The following KIF21A variants were observed in gnomAD, a reference collection of about 807,000 sequenced individuals.
KIF21A encodes the protein kinesin family member 21A.
In KIF21A, 114 loss-of-function variants were observed where a neutral mutation model predicts 202.9. The observed-to-expected ratio is 0.56, with a 90% CI of 0.48 to 0.66. KIF21A has a LOEUF of 0.66. Ranked by LOEUF, KIF21A falls within the 30% of genes least tolerant of loss-of-function variation. The pLI is 0.00. For synonymous variants in KIF21A, 667 were observed against 670.8 expected, an observed-to-expected ratio of 0.99 and a Z score of 0.09; for missense variants, 1,677 against 1,994.9, an observed-to-expected ratio of 0.84 and a Z score of 3.04.
chr12:39,356,020 G>C lies in KIF21A; in HGVS notation c.1469+812C>G, dbSNP rs74088362. Among the ~76,000 whole-genome samples, 551 of 152,202 alleles carry C rather than the reference G, an allele frequency of 3.6e-3. 3 individuals carry two copies. Among genetic ancestry groups the C allele is most frequent in the African/African-American group, 0.013 (521 of 41,516 alleles). ...CCCGTTTGCTTATGTTCTGCAAATG[G>C]TAAGCAGAAGTGAGATTTGAACTAC... is the stretch of plus-strand genomic sequence containing the variant. On this transcript the variant is annotated intron_variant, in intron 10 of 37. Transcript: ENST00000361418.
At chr12:39,399,486 G>A (rs1334092864) in intron 1 of KIF21A, among the ~76,000 whole-genome samples, 1 of 152,094 alleles carries the variant, frequency 6.6e-6, no homozygotes, top group Non-Finnish European at 1.5e-5. Flanking sequence ...CATTGATGAG[G>A]CACTAAATAT....
intron 26 of KIF21A, among the ~76,000 whole-genome samples, chr12:39,323,297 G>A (rs1945487141): frequency 1.3e-5 from 2 of 151,736 alleles, no homozygotes; most frequent in Non-Finnish European, 2.9e-5. Flanking sequence ...TGCCACTTGC[G>A]GCCAGCTCCC....
chr12:39,324,267 G>T (rs974868924), intron 26 of KIF21A, among the ~76,000 whole-genome samples: 1 of 152,174 alleles, frequency 6.6e-6, no homozygotes, highest in Non-Finnish European at 1.5e-5. Flanking sequence ...GAGCAGAGAT[G>T]AAATTTTTCT....
intron 23 of KIF21A, 81 bp downstream of exon 23, chr12:39,330,665 G>C: frequency 8.3e-7 from 1 of 1,203,596 alleles, no homozygotes; most frequent in Non-Finnish European, 1.2e-6. Flanking sequence ...TCAAGCCATA[G>C]GGGAAAGGGA....
chr12:39,389,425 G>T (rs940295771), intron 1 of KIF21A, among the ~76,000 whole-genome samples: 3 of 152,114 alleles, frequency 2.0e-5, no homozygotes, highest in Non-Finnish European at 4.4e-5. Context: ...ACAACATGTG[G>T]TATAAACTGA....
intron 7 of KIF21A, among the ~76,000 whole-genome samples, chr12:39,359,618 A>C (rs1048686386): frequency 5.4e-4 from 82 of 152,298 alleles, no homozygotes; most frequent in African/African-American, 1.8e-3. Flanking sequence ...AAAATAAGGT[A>C]ATTCAGTAAG....
chr12:39,370,037 A>G lies in KIF21A; in HGVS notation c.267+2T>C. On this transcript the variant is annotated splice_donor_variant, in intron 2 of 37. Transcript: ENST00000361418. LOFTEE classifies it high-confidence loss of function. ...CTCCTATGAAAATAATATGGCACTT[A>G]CTTGTCCATAAGCAAAAACTGTAGC... The G allele has an allele frequency of 6.2e-7, 1 of 1,609,192 alleles. No individual in the cohort carries two copies. The highest frequency in any genetic ancestry group is 8.5e-7 in the Non-Finnish European group (1 of 1,175,646).
At chr12:39,319,085 T>C (rs762042723) in intron 28 of KIF21A, among the ~76,000 whole-genome samples, 13 of 152,240 alleles carry the variant, frequency 8.5e-5, no homozygotes, top group Admixed American at 5.2e-4. Flanking sequence ...GGTATAGAAT[T>C]GTCCATTTAG....
Position 39,332,303 on chromosome 12 carries a change from C to T in KIF21A, c.2962G>A (p.Glu988Lys). The T allele has an allele frequency of 1.2e-6, 2 of 1,613,362 alleles. No individual in the cohort carries two copies. Among genetic ancestry groups the T allele is most frequent in the Non-Finnish European group, 1.7e-6 (2 of 1,179,438 alleles). ...ATATTAGCAGTCAGTGACTCCATCT[C>T]TTCATTGATATTAGCCACATTTTTA... ...GDKNVANINE[E>K]MESLTANIDY... Residue 988 changes from glutamate (E) to lysine (K), a missense_variant, in exon 21 of 38, where the codon GAG becomes AAG. By Grantham distance (56) the Glu-to-Lys change is moderately conservative. Coordinates refer to ENST00000361418, the MANE Select transcript of KIF21A (RefSeq NM_001173464.2).
intron 1 of KIF21A, among the ~76,000 whole-genome samples, chr12:39,429,962 T>C (rs1318996035): frequency 6.6e-6 from 1 of 152,118 alleles, no homozygotes; most frequent in Non-Finnish European, 1.5e-5. Context: ...AGATAGGGAT[T>C]AAGGGATTAA....
chr12:39,388,100 C>A (rs545545233), intron 1 of KIF21A, among the ~76,000 whole-genome samples: 1 of 152,210 alleles, frequency 6.6e-6, no homozygotes, highest in Non-Finnish European at 1.5e-5. Flanking sequence ...GAAGTTTGAT[C>A]CCCAGTGTTG....
intron 16 of KIF21A, among the ~76,000 whole-genome samples, chr12:39,338,952 A>G (rs1947211624): frequency 6.6e-6 from 1 of 152,182 alleles, no homozygotes; most frequent in East Asian, 1.9e-4. Flanking sequence ...GTAATAAAGC[A>G]AATCACAGTA....
At chr12:39,294,606 T>G in intron 37 of KIF21A, 89 bp from the exon 38 acceptor site, 1 of 990,334 alleles carries the variant, frequency 1.0e-6, no homozygotes, top group Non-Finnish European at 1.6e-6. Flanking sequence ...TGGAAATATT[T>G]TCTACATAGG....
At position 39,341,629 on chromosome 12, in the gene KIF21A, T is replaced by C. The variant is rs1241497526; in HGVS notation, c.1804-7A>G. 4 of 1,599,444 alleles carry C rather than the reference T, an allele frequency of 2.5e-6. No individual in the cohort carries two copies. Among genetic ancestry groups the C allele is most frequent in the Admixed American group, 3.4e-5 (2 of 58,386 alleles). ...TCACTTCTTGACTTTCTTCCTAAAATGTGATTTGTAAAAATTAATAGCACA... is the reference window on the plus strand; with the variant it reads ...TCACTTCTTGACTTTCTTCCTAAAACGTGATTTGTAAAAATTAATAGCACA... On this transcript the variant is annotated splice_region_variant and splice_polypyrimidine_tract_variant and intron_variant, in intron 13 of 37. Transcript: ENST00000361418.
intron 1 of KIF21A, among the ~76,000 whole-genome samples, chr12:39,409,826 A>G (rs1592608136): frequency 2.0e-5 from 3 of 151,598 alleles, no homozygotes; most frequent in Admixed American, 6.6e-5. Flanking sequence ...GAAAAATCGA[A>G]GAAGCTGGCT....
intron 10 of KIF21A, among the ~76,000 whole-genome samples, chr12:39,353,357 A>G (rs1052601564): frequency 6.6e-6 from 1 of 152,158 alleles, no homozygotes; most frequent in Admixed American, 6.6e-5. Context: ...GTTTTATTAT[A>G]TATGTGATAC....
intron 1 of KIF21A, among the ~76,000 whole-genome samples, chr12:39,397,598 C>A (rs1007979588): frequency 4.6e-5 from 7 of 152,172 alleles, no homozygotes; most frequent in Non-Finnish European, 1.0e-4. Flanking sequence ...TTCCTATGAC[C>A]CAGAACAGTT....
intron 31 of KIF21A, among the ~76,000 whole-genome samples, chr12:39,314,356 C>A (rs568998273): frequency 3.3e-5 from 5 of 151,548 alleles, no homozygotes; most frequent in African/African-American, 1.2e-4. Context: ...GAGCAAAACC[C>A]GCTCAAAAGT....
At chr12:39,360,554 T>G (rs987129241) in intron 7 of KIF21A, among the ~76,000 whole-genome samples, 2 of 152,144 alleles carry the variant, frequency 1.3e-5, no homozygotes, top group Admixed American at 6.5e-5. Flanking sequence ...CATGCCCAGC[T>G]AATTTTTGTG....
Sources: allele counts gnomAD v4.1 joint callset (sites outside exome capture counted in the v4.1 genomes callset), GRCh38; gene constraint gnomAD v4.1.1; transcripts MANE v1.5; gene names NCBI Gene and HGNC (gene_info 2026-07-23, HGNC 2026-07-21).